Variants in CARD8 observed in about 807,000 individuals in gnomAD.
CARD8 encodes the protein caspase recruitment domain-containing protein 8.
CARD8 carries 38 observed loss-of-function variants against 53.2 expected under a neutral mutation model. The ratio of observed to expected loss-of-function variants is 0.71; its 90% CI spans 0.55 to 0.94. The LOEUF (loss-of-function observed/expected upper bound fraction) is 0.94. CARD8 is among the 40% of genes least tolerant of loss of function. The probability of loss-of-function intolerance (pLI) is 0.00; values close to 1 mark genes in which losing one functional copy is unlikely to be tolerated. For missense variants in CARD8, 561 were observed against 655.5 expected (o/e 0.86, Z 1.57); for synonymous variants, 245 against 244.9 (o/e 1.00, Z 0.00).
chr19:48,221,388 C>T (rs1252499548), intron 11 of CARD8, among the ~76,000 whole-genome samples: 1 of 152,168 alleles, frequency 6.6e-6, no homozygotes, highest in African/African-American at 2.4e-5. Context: ...AAAATCAGCT[C>T]TTCCTTCAAC....
rs984411289 is a variant in CARD8 at position 48,239,748 on chromosome 19, T to C, written c.59+1214A>G. Among the ~76,000 whole-genome samples, 55 of 152,178 alleles carry C rather than the reference T, an allele frequency of 3.6e-4. 1 individual carries two copies. Among genetic ancestry groups the C allele is most frequent in the African/African-American group, 1.3e-3 (54 of 41,436 alleles). ...GCCTCCGCCTCCCAAAGTGCTCGGA[T>C]TACAGGCGTGAGTCACCATGCCTGG... On this transcript the variant is annotated intron_variant, in intron 4 of 13. Transcript: ENST00000651546.
intron 11 of CARD8, among the ~76,000 whole-genome samples, chr19:48,219,307 T>C (rs923900682): frequency 2.6e-5 from 4 of 152,190 alleles, no homozygotes; most frequent in African/African-American, 9.7e-5. Flanking sequence ...GGCCCCTCAT[T>C]AATGATGCGA....
downstream of CARD8, among the ~76,000 whole-genome samples, chr19:48,206,136 G>A (rs1451476344): frequency 6.6e-6 from 1 of 152,006 alleles, no homozygotes; most frequent in East Asian, 1.9e-4. Context: ...AACCTCAAGT[G>A]ATCCACCCGC....
At chr19:48,222,457 G>A (rs895439931) in intron 10 of CARD8, among the ~76,000 whole-genome samples, 10 of 152,210 alleles carry the variant, frequency 6.6e-5, no homozygotes, top group East Asian at 1.9e-4. Context: ...TTGGGAGGCC[G>A]AGGTGGGCAG....
At chr19:48,229,173 G>C (rs1390444945) in intron 10 of CARD8, among the ~76,000 whole-genome samples, 1 of 152,094 alleles carries the variant, frequency 6.6e-6, no homozygotes, top group African/African-American at 2.4e-5. Context: ...AAAAGAACAA[G>C]GAGGCTTCTT....
At chr19:48,206,324 G>A (rs931882312), downstream of CARD8, 1 of 400,684 alleles carries the variant, frequency 2.5e-6, no homozygotes, top group Non-Finnish European at 5.1e-6. Flanking sequence ...CTAGCCACAT[G>A]TGGGTGCATT....
chr19:48,250,222 A>G (rs2046776127), intron 1 of CARD8, among the ~76,000 whole-genome samples: 1 of 152,224 alleles, frequency 6.6e-6, no homozygotes, highest in South Asian at 2.1e-4. Flanking sequence ...AACTATGTAT[A>G]TATTCAGGAA....
At chr19:48,221,354 T>A (rs997711138) in intron 11 of CARD8, among the ~76,000 whole-genome samples, 11 of 152,194 alleles carry the variant, frequency 7.2e-5, no homozygotes, top group Non-Finnish European at 1.3e-4. Context: ...CATTTAAAAA[T>A]ATATAAAATG....
intron 6 of CARD8, chr19:48,233,006 T>C: frequency 2.8e-6 from 1 of 355,494 alleles, no homozygotes; most frequent in Non-Finnish European, 5.5e-6. Flanking sequence ...ACTGAAGCAG[T>C]AATTCACCAA....
At chr19:48,240,380 C>T (rs761609908) in intron 4 of CARD8, among the ~76,000 whole-genome samples, 1 of 152,072 alleles carries the variant, frequency 6.6e-6, no homozygotes, top group Non-Finnish European at 1.5e-5. Flanking sequence ...CCTAGACTCG[C>T]TTTTGCTCAG....
In CARD8 at chr19:48,211,802, TCTC is replaced by T; in HGVS notation, c.1519_1521del (p.Glu507del). ...ACGTCCAGGGCCAGGTCCCCTTTCT[TCTC>T]CACCATGCTCAGCAAGGCCTCATTC... On this transcript the variant is annotated inframe_deletion, in exon 14 of 14. Coordinates refer to ENST00000651546, the MANE Select transcript of CARD8 (RefSeq NM_001184900.3). 1 of 1,614,134 alleles carries T rather than the reference TCTC, an allele frequency of 6.2e-7. No homozygotes were observed. The highest frequency in any genetic ancestry group is 1.1e-5 in the South Asian group (1 of 91,078).
chr19:48,238,406 A>G lies in CARD8; in HGVS notation c.186T>C (p.Ala62=), dbSNP rs1414509106. 1 of 1,535,950 alleles carries G rather than the reference A, an allele frequency of 6.5e-7. No individual in the cohort carries two copies. The highest frequency in any genetic ancestry group is 8.7e-7 in the Non-Finnish European group (1 of 1,146,886). Residue 62 remains alanine (A), a synonymous_variant, in exon 5 of 14, where the codon GCT becomes GCC. Coordinates refer to ENST00000651546, the MANE Select transcript of CARD8 (RefSeq NM_001184900.3). The part of the protein sequence containing the change: ...QYTKTGIFFQ[A]EACVTNDTVY... The stretch of plus-strand genomic sequence containing the variant: ...ACGTATCATTTGTCACACAGGCCTC[A>G]GCCTGAAAAAAAATTCCAGTTTTTG...
At chr19:48,235,228 T>C (rs1398348322) in intron 5 of CARD8, among the ~76,000 whole-genome samples, 1 of 152,212 alleles carries the variant, frequency 6.6e-6, no homozygotes, top group Non-Finnish European at 1.5e-5. Flanking sequence ...TGTCCTCCTA[T>C]GGCTGGCAGG....
rs78204641 is a variant in CARD8, at chr19:48,229,548, T to G, written c.1035+890A>C. Among the ~76,000 whole-genome samples the G allele has an allele frequency of 7.2e-3, 1,094 of 152,314 alleles. 14 individuals are homozygous for G. Among genetic ancestry groups the G allele is most frequent in the African/African-American group, 0.025 (1,045 of 41,572 alleles). Reference sequence around the variant, plus strand: ...AGGCACCTGCCTCTCATTCTTGGGATGTTGGAGCATTAGACGGGGGGACGA... The same window carrying G: ...AGGCACCTGCCTCTCATTCTTGGGAGGTTGGAGCATTAGACGGGGGGACGA... On this transcript the variant is annotated intron_variant, in intron 10 of 13. Transcript: ENST00000651546.
At position 48,211,238 on chromosome 19, in the gene CARD8, T is replaced by C. The variant is rs967325716; in HGVS notation, c.*472A>G. The stretch of plus-strand genomic sequence containing the variant: ...CCTAACATACAAAAAAAAAAAAGAC[T>C]GTCATCATGTATGCCTTGAGTGTCC... On this transcript the variant is annotated 3_prime_UTR_variant, in exon 14 of 14. Transcript: ENST00000651546. The C allele has an allele frequency of 5.9e-5, 9 of 153,596 alleles. No homozygotes were observed. The highest frequency in any genetic ancestry group is 2.2e-4 in the African/African-American group (9 of 41,434). 9.5% of individuals were successfully genotyped at this position (153,596 alleles called of 1,614,324 possible).
chr19:48,206,178 G>C (rs991683332), downstream of CARD8, among the ~76,000 whole-genome samples: 7 of 152,140 alleles, frequency 4.6e-5, no homozygotes, highest in Admixed American at 2.0e-4. Flanking sequence ...GATTACAGCC[G>C]TGAGCCATCG....
intron 6 of CARD8, chr19:48,232,823 T>C (rs1444679306): frequency 2.0e-6 from 1 of 499,160 alleles, no homozygotes; most frequent in East Asian, 5.6e-5. Flanking sequence ...TGAATGAAGA[T>C]ATTTTTATCC....
chr19:48,234,307 T>C, intron 6 of CARD8, 96 bp downstream of exon 6: 1 of 1,274,212 alleles, frequency 7.8e-7, no homozygotes, highest in Non-Finnish European at 1.1e-6. Flanking sequence ...TCCCCTGAGT[T>C]CGATGAAAAA....
At chr19:48,219,388 G>T (rs2040028961) in intron 11 of CARD8, among the ~76,000 whole-genome samples, 1 of 152,054 alleles carries the variant, frequency 6.6e-6, no homozygotes, top group Non-Finnish European at 1.5e-5. Context: ...GTCTCTCTGA[G>T]CCTCGCTGGG....
Sources: allele counts gnomAD v4.1 joint callset (sites outside exome capture counted in the v4.1 genomes callset), GRCh38; gene constraint gnomAD v4.1.1; transcripts MANE v1.5; gene names NCBI Gene and HGNC (gene_info 2026-07-23, HGNC 2026-07-21).